Variants in TAFA5 observed in about 807,000 individuals in gnomAD.
TAFA5 encodes the protein TAFA chemokine like family member 5.
TAFA5 carries 6 observed loss-of-function variants against 15.3 expected under a neutral mutation model. The ratio of observed to expected loss-of-function variants is 0.39; its 90% confidence interval spans 0.21 to 0.77. The LOEUF (loss-of-function observed/expected upper bound fraction) is 0.77, where lower values mean the gene tolerates loss of function less well. Ranked by LOEUF, TAFA5 falls within the 30% of genes least tolerant of loss-of-function variation. The probability of loss-of-function intolerance (pLI) is 0.41; values close to 1 mark genes in which losing one functional copy is unlikely to be tolerated. For synonymous variants in TAFA5, 103 were observed against 80.7 expected (o/e 1.28, Z -1.48); for missense variants, 161 against 193.1 (o/e 0.83, Z 0.98).
chr22:48,656,802 T>C (rs1927268887), intron 2 of TAFA5, among the ~76,000 whole-genome samples: 1 of 139,994 alleles, frequency 7.1e-6, no homozygotes, highest in Non-Finnish European at 1.5e-5. Flanking sequence ...TCTCACTCTG[T>C]TGCCCAGGCT....
chr22:48,538,560 G>A (rs1020415135), intron 1 of TAFA5, among the ~76,000 whole-genome samples: 2 of 152,242 alleles, frequency 1.3e-5, no homozygotes, highest in Non-Finnish European at 2.9e-5. Context: ...AAGCAGTCCA[G>A]CTTCTGTGGC....
intron 1 of TAFA5, among the ~76,000 whole-genome samples, chr22:48,633,000 T>C (rs1926288406): frequency 6.6e-6 from 1 of 152,168 alleles, no homozygotes; most frequent in African/African-American, 2.4e-5. Flanking sequence ...CCGTCCTCAG[T>C]CCTGGCCCCT....
intron 1 of TAFA5, among the ~76,000 whole-genome samples, chr22:48,646,146 C>T (rs1451722278): frequency 6.6e-6 from 1 of 152,138 alleles, no homozygotes; most frequent in African/African-American, 2.4e-5. Context: ...GACCTATTTT[C>T]CGGCTCCAAA....
chr22:48,564,678 C>T (rs996039942), intron 1 of TAFA5, among the ~76,000 whole-genome samples: 1 of 152,234 alleles, frequency 6.6e-6, no homozygotes, highest in Admixed American at 6.5e-5. Flanking sequence ...CCAGGGACTG[C>T]AGCCTCCTTC....
At position 48,742,161 on chromosome 22, in the gene TAFA5, CTCA is replaced by C. The variant is rs1930198942; in HGVS notation, c.391-7675_391-7673del. On this transcript the variant is annotated intron_variant, in intron 3 of 3. Coordinates refer to ENST00000402357, the MANE Select transcript of TAFA5 (RefSeq NM_001082967.3). This position sits in a 1 kb window ranked among gnomAD's most constrained non-coding sequence, Gnocchi z 6.2. ...TCCCCTGCCCAACCCCACAGGCCCC[CTCA>C]TCCTTCACCAGGCACAGCCCTGCCC... Among the ~76,000 whole-genome samples the C allele has an allele frequency of 6.6e-6, 1 of 151,516 alleles. No homozygotes were observed. The highest frequency in any genetic ancestry group is 6.6e-5 in the Admixed American group (1 of 15,230).
At chr22:48,509,533 C>T (rs1359882161) in intron 1 of TAFA5, among the ~76,000 whole-genome samples, 1 of 152,038 alleles carries the variant, frequency 6.6e-6, no homozygotes, top group African/African-American at 2.4e-5. Flanking sequence ...GAGTTGGTAT[C>T]TCATTGTGGT....
intron 1 of TAFA5, among the ~76,000 whole-genome samples, chr22:48,524,229 G>T (rs1426826053): frequency 6.6e-6 from 1 of 152,240 alleles, no homozygotes; most frequent in Non-Finnish European, 1.5e-5. Flanking sequence ...TCAGGATTCT[G>T]TCTCAAAAGC....
chr22:48,716,383 T>C (rs9628515), intron 3 of TAFA5, among the ~76,000 whole-genome samples: 9,541 of 152,190 alleles, frequency 0.063, 365 homozygotes, highest in Admixed American at 0.095. Flanking sequence ...ATGGATGAAG[T>C]TGGAAACCAT....
At chr22:48,510,173 A>T (rs1004724614) in intron 1 of TAFA5, among the ~76,000 whole-genome samples, 4 of 152,174 alleles carry the variant, frequency 2.6e-5, no homozygotes, top group African/African-American at 9.7e-5. Context: ...CACAGTCAAC[A>T]AAAGCAATAA....
rs1469946115 is a variant in TAFA5 at position 48,552,771 on chromosome 22, C to A, written c.112+63067C>A. 6.6e-6 allele frequency among the ~76,000 whole-genome samples: 1 copy of A among 152,148 alleles called. No homozygotes were observed. Among genetic ancestry groups the A allele is most frequent in the Non-Finnish European group, 1.5e-5 (1 of 68,020 alleles). On this transcript the variant is annotated intron_variant, in intron 1 of 3. Coordinates refer to ENST00000402357, the MANE Select transcript of TAFA5 (RefSeq NM_001082967.3). The surrounding 1 kb of genome is among the most constrained non-coding windows in gnomAD (Gnocchi z 4.1). ...TTTATCATCCTCCGAGGGGCCCGGC[C>A]AGGCTCCCAGGGAAGAGGAGGGGCA...
intron 1 of TAFA5, among the ~76,000 whole-genome samples, chr22:48,616,854 G>T (rs1925625364): frequency 6.6e-6 from 1 of 152,204 alleles, no homozygotes; most frequent in South Asian, 2.1e-4. Flanking sequence ...ACCCCTAGGG[G>T]TTTGGTGGGC....
intron 3 of TAFA5, among the ~76,000 whole-genome samples, chr22:48,745,349 CA>C (rs754639953): frequency 2.1e-4 from 30 of 144,092 alleles, no homozygotes; most frequent in African/African-American, 7.1e-4. Flanking sequence ...CATGGGCACA[CA>C]ACGGCTTTGT....
chr22:48,497,329 C>T (rs1928366751), intron 1 of TAFA5, among the ~76,000 whole-genome samples: 1 of 152,200 alleles, frequency 6.6e-6, no homozygotes, highest in African/African-American at 2.4e-5. Context: ...CAGGGATGCT[C>T]CGCAGCCTCG....
Position 48,714,856 on chromosome 22 carries a change from G to A in TAFA5, c.390+7012G>A, listed in dbSNP as rs556209242. Among the ~76,000 whole-genome samples the A allele has an allele frequency of 1.1e-3, 161 of 152,306 alleles. 1 individual carries two copies. Among genetic ancestry groups the A allele is most frequent in the African/African-American group, 3.6e-3 (149 of 41,578 alleles). On this transcript the variant is annotated intron_variant, in intron 3 of 3. Transcript: ENST00000402357. ...GGCCCTGCTGTCTTGGGAGGCTCTC[G>A]AGGAGGCCCCTCTTTTGCCTCTCAT...
At chr22:48,547,476 C>T (rs1048892544) in intron 1 of TAFA5, 1 of 152,192 alleles carries the variant, frequency 6.6e-6, no homozygotes, top group African/African-American at 2.4e-5. Context: ...AAGCCTGGAG[C>T]CCCCATACTG....
At chr22:48,674,566 G>A (rs903167622) in intron 2 of TAFA5, among the ~76,000 whole-genome samples, 2 of 152,168 alleles carry the variant, frequency 1.3e-5, no homozygotes, top group African/African-American at 4.8e-5. Context: ...TTGTTTGGGC[G>A]TCGACATTGG....
intron 1 of TAFA5, among the ~76,000 whole-genome samples, chr22:48,639,009 C>T (rs1242075829): frequency 6.6e-6 from 1 of 152,142 alleles, no homozygotes; most frequent in Non-Finnish European, 1.5e-5. Context: ...GGACACCGCA[C>T]ACAGGCGGGA....
chr22:48,713,249 T>G (rs1929306984), intron 3 of TAFA5, among the ~76,000 whole-genome samples: 1 of 152,244 alleles, frequency 6.6e-6, no homozygotes, highest in African/African-American at 2.4e-5. Context: ...AAAGCCCATT[T>G]GCCCAACGTG....
At chr22:48,692,189 T>G (rs1316681469) in intron 2 of TAFA5, among the ~76,000 whole-genome samples, 1 of 151,700 alleles carries the variant, frequency 6.6e-6, no homozygotes, top group Non-Finnish European at 1.5e-5. Flanking sequence ...GCCTGTGGCC[T>G]GAGAGCTGCC....
Sources: gnomAD v4.1 joint callset for allele counts (sites outside exome capture counted in the v4.1 genomes callset) on GRCh38, gnomAD v4.1.1 for gene constraint, Gnocchi (gnomAD v3.1) non-coding constraint, MANE v1.5 for transcripts, NCBI Gene and HGNC (gene_info 2026-07-23, HGNC 2026-07-21) for gene names.